The following ZSCAN5A variants were observed in gnomAD, a reference collection of about 807,000 sequenced individuals.
The protein encoded by ZSCAN5A is zinc finger and SCAN domain containing 5A, also known as zinc finger and SCAN domain-containing protein 5A.
Under a neutral mutation model 23.7 loss-of-function variants are expected in ZSCAN5A, and 12 were observed. The ratio of observed to expected loss-of-function variants is 0.51; its 90% confidence interval spans 0.32 to 0.82. ZSCAN5A has a LOEUF of 0.82. ZSCAN5A is among the 40% of genes least tolerant of loss of function. The pLI is 0.03. For synonymous variants in ZSCAN5A, 257 were observed against 239.9 expected (o/e 1.07, Z -0.66); for missense variants, 597 against 617.9 (o/e 0.97, Z 0.36).
At chr19:56,278,977 C>G (rs1483161961) in intron 2 of ZSCAN5A, among the ~76,000 whole-genome samples, 2 of 152,226 alleles carry the variant, frequency 1.3e-5, no homozygotes, top group African/African-American at 4.8e-5. Flanking sequence ...AGTCTTCCAA[C>G]TCACACCCCA....
intron 2 of ZSCAN5A, among the ~76,000 whole-genome samples, chr19:56,332,849 C>G (rs950401761): frequency 6.6e-6 from 1 of 152,176 alleles, no homozygotes; most frequent in African/African-American, 2.4e-5. Context: ...TAAGGCTGGT[C>G]TAGTGGTAAC....
intron 2 of ZSCAN5A, chr19:56,304,911 A>C (rs1007292103): frequency 2.1e-6 from 1 of 474,874 alleles, no homozygotes; most frequent in African/African-American, 2.1e-5. Context: ...CTGGCATTTG[A>C]GGTAAGGAAC....
intron 2 of ZSCAN5A, among the ~76,000 whole-genome samples, chr19:56,230,614 G>GGTGTGT: frequency 1.5e-5 from 1 of 66,648 alleles, no homozygotes; most frequent in African/African-American, 7.3e-5. Context: ...TTTATTTCTT[G>GGTGTGT]ATGTGTGTGT....
intron 2 of ZSCAN5A, among the ~76,000 whole-genome samples, chr19:56,287,275 T>C (rs1158126360): frequency 6.6e-6 from 1 of 152,222 alleles, no homozygotes; most frequent in Non-Finnish European, 1.5e-5. Context: ...AGAAATGTGT[T>C]GTGGGAAACA....
chr19:56,245,159 G>A (rs187270025), intron 2 of ZSCAN5A: 232 of 473,672 alleles, frequency 4.9e-4, no homozygotes, highest in African/African-American at 4.2e-3. Flanking sequence ...GCAGGACCCA[G>A]GGAATATGAG....
chr19:56,246,395 A>G, intron 2 of ZSCAN5A: 1 of 562,274 alleles, frequency 1.8e-6, no homozygotes. Context: ...ACCTTGGAGA[A>G]GGATCTGAAC....
intron 2 of ZSCAN5A, among the ~76,000 whole-genome samples, chr19:56,293,899 G>GA (rs1431433587): frequency 1.3e-5 from 2 of 152,144 alleles, no homozygotes; most frequent in East Asian, 3.9e-4. Context: ...TGGAGGTTGA[G>GA]AAACCCCCCG....
chr19:56,277,985 AC>A (rs147977999), intron 2 of ZSCAN5A, among the ~76,000 whole-genome samples: 2,485 of 152,304 alleles, frequency 0.016, 28 homozygotes, highest in South Asian at 0.049. Context: ...CTGTTTCCAA[AC>A]CAAAAAAGTT....
chr19:56,323,782 C>T lies in ZSCAN5A; in HGVS notation c.-357-7514G>A, dbSNP rs1483146439. Among the ~76,000 whole-genome samples the T allele has an allele frequency of 6.0e-5, 9 of 150,234 alleles. No individual in the cohort carries two copies. The South Asian group carries it at 1.1e-3, about 18-fold the overall frequency. On this transcript the variant is annotated intron_variant, in intron 2 of 6. Coordinates refer to the ZSCAN5A transcript ENST00000587340. ...AACTCCTGACCTCAGGTGATCCACCCGCCTCAGCCTCCCAAAGTGCTGGGA... is the reference window on the plus strand; with the variant it reads ...AACTCCTGACCTCAGGTGATCCACCTGCCTCAGCCTCCCAAAGTGCTGGGA...
At chr19:56,231,873 A>G (rs1303585476) in intron 2 of ZSCAN5A, among the ~76,000 whole-genome samples, 2 of 151,048 alleles carry the variant, frequency 1.3e-5, no homozygotes, top group Non-Finnish European at 1.5e-5. Context: ...CCATCCTCCA[A>G]CGCTTCCCCA....
At chr19:56,245,193 G>T (rs780724042) in intron 2 of ZSCAN5A, 11 of 539,222 alleles carry the variant, frequency 2.0e-5, no homozygotes, top group Non-Finnish European at 3.7e-5. Flanking sequence ...TTCTCATAGT[G>T]AGTCTGATTG....
intron 2 of ZSCAN5A, among the ~76,000 whole-genome samples, chr19:56,265,007 A>G (rs2146896269): frequency 6.6e-6 from 1 of 152,216 alleles, no homozygotes; most frequent in South Asian, 2.1e-4. Context: ...CTGTAATCCC[A>G]GCTACTCGGG....
chr19:56,237,690 C>G (rs1032340687), intron 2 of ZSCAN5A, among the ~76,000 whole-genome samples: 1 of 151,914 alleles, frequency 6.6e-6, no homozygotes, highest in Non-Finnish European at 1.5e-5. Context: ...GAAGCTGAGA[C>G]GGGCGGATCG....
At chr19:56,308,177 G>A (rs1345255670) in intron 2 of ZSCAN5A, among the ~76,000 whole-genome samples, 2 of 152,178 alleles carry the variant, frequency 1.3e-5, no homozygotes, top group Admixed American at 1.3e-4. Context: ...GGGACTACAG[G>A]CGAGTGCCAC....
intron 2 of ZSCAN5A, among the ~76,000 whole-genome samples, chr19:56,245,047 T>C (rs1027568115): frequency 2.0e-5 from 3 of 152,128 alleles, no homozygotes; most frequent in Non-Finnish European, 2.9e-5. Flanking sequence ...TTTATGTACT[T>C]ATGTAGAAAA....
chr19:56,248,670 C>T (rs1441764962), intron 2 of ZSCAN5A, among the ~76,000 whole-genome samples: 4 of 152,084 alleles, frequency 2.6e-5, no homozygotes, highest in African/African-American at 4.8e-5. Context: ...TGGCCTCAAG[C>T]GATCCTTCCA....
chr19:56,243,828 G>A (rs2035622858), intron 2 of ZSCAN5A, among the ~76,000 whole-genome samples: 2 of 151,202 alleles, frequency 1.3e-5, no homozygotes, highest in African/African-American at 4.9e-5. Context: ...CGATGCTGCT[G>A]AAGAAGTGGC....
chr19:56,243,981 A>G, intron 2 of ZSCAN5A: 1 of 654,336 alleles, frequency 1.5e-6, no homozygotes, highest in Non-Finnish European at 2.7e-6. Context: ...GATAGGTCTC[A>G]ATTAGACACC....
intron 2 of ZSCAN5A, among the ~76,000 whole-genome samples, chr19:56,249,572 C>T (rs2036200250): frequency 1.3e-5 from 2 of 152,204 alleles, no homozygotes; most frequent in African/African-American, 2.4e-5. Flanking sequence ...CCATACCTGG[C>T]CTTAGATTTC....
Sources: allele counts gnomAD v4.1 joint callset (sites outside exome capture counted in the v4.1 genomes callset), GRCh38; gene constraint gnomAD v4.1.1; transcripts MANE v1.5; gene names NCBI Gene and HGNC (gene_info 2026-07-23, HGNC 2026-07-21).